RIMKLB: variants seen among roughly 807,000 people sequenced by gnomAD.
RIMKLB encodes beta-citrylglutamate synthase B.
A neutral mutation model predicts 32.0 loss-of-function variants in RIMKLB; 7 were observed. The observed-to-expected ratio is 0.22, with a 90% confidence interval of 0.12 to 0.41. The LOEUF is 0.41. Ranked by LOEUF, RIMKLB falls within the 10% of genes least tolerant of loss-of-function variation. The pLI is 1.00. For synonymous variants in RIMKLB, 172 were observed against 185.1 expected (o/e 0.93, Z 0.57); for missense variants, 289 against 498.7 (o/e 0.58, Z 4.00).
At chr12:8,765,849 C>A (rs1949914181) in intron 5 of RIMKLB, among the ~76,000 whole-genome samples, 1 of 152,036 alleles carries the variant, frequency 6.6e-6, no homozygotes, top group East Asian at 1.9e-4. Flanking sequence ...TGACTTGTTT[C>A]TTAATGAAAA....
intron 1 of RIMKLB, among the ~76,000 whole-genome samples, chr12:8,707,405 C>G (rs112043691): frequency 2.6e-5 from 4 of 152,300 alleles, no homozygotes; most frequent in Admixed American, 2.0e-4. Context: ...GAAAAGGTGC[C>G]TAGGGCAAAG....
At chr12:8,717,703 T>G (rs926137167) in intron 2 of RIMKLB, among the ~76,000 whole-genome samples, 1 of 152,220 alleles carries the variant, frequency 6.6e-6, no homozygotes, top group African/African-American at 2.4e-5. Flanking sequence ...CAAAGTTGCC[T>G]GAACTATTAC....
chr12:8,727,132 T>G (rs1359616295), intron 2 of RIMKLB, among the ~76,000 whole-genome samples: 1 of 152,244 alleles, frequency 6.6e-6, no homozygotes, highest in East Asian at 1.9e-4. Flanking sequence ...GTGTTATATG[T>G]AACTGTATGT....
At chr12:8,678,048 C>T (rs1591584615), upstream of RIMKLB, among the ~76,000 whole-genome samples, 1 of 151,802 alleles carries the variant, frequency 6.6e-6, no homozygotes, top group African/African-American at 2.4e-5. Context: ...TCCCAAAGTG[C>T]TGGGATTACA....
At chr12:8,759,923 G>A (rs761555124) in intron 5 of RIMKLB, among the ~76,000 whole-genome samples, 1 of 152,294 alleles carries the variant, frequency 6.6e-6, no homozygotes, top group East Asian at 1.9e-4. Flanking sequence ...ATTTTATCCT[G>A]TGCCATCTTG....
intron 1 of RIMKLB, among the ~76,000 whole-genome samples, chr12:8,682,475 G>T (rs1331173275): frequency 2.6e-5 from 4 of 152,100 alleles, no homozygotes; most frequent in South Asian, 2.1e-4. Flanking sequence ...AAGGAGTCAA[G>T]AATTTACTGG....
At chr12:8,743,571 T>A (rs1947787760) in intron 2 of RIMKLB, among the ~76,000 whole-genome samples, 1 of 151,476 alleles carries the variant, frequency 6.6e-6, no homozygotes, top group African/African-American at 2.4e-5. Context: ...AACTCTGCTT[T>A]CAAAAAAACA....
chr12:8,772,376 G>A (rs1950482309), intron 5 of RIMKLB, among the ~76,000 whole-genome samples: 1 of 152,130 alleles, frequency 6.6e-6, no homozygotes, highest in African/African-American at 2.4e-5. Context: ...TCCTTAAAGA[G>A]CTCTTATTTC....
chr12:8,701,850 C>T (rs745705714), intron 1 of RIMKLB, among the ~76,000 whole-genome samples: 121 of 151,748 alleles, frequency 8.0e-4, no homozygotes, highest in African/African-American at 2.7e-3. Context: ...ACTAAAAATA[C>T]AAAAATTAGC....
Position 8,776,535 on chromosome 12 carries a change from ATTG to A in RIMKLB, c.*2754_*2756del, listed in dbSNP as rs1950736735. On this transcript the variant is annotated 3_prime_UTR_variant, in exon 6 of 6. Transcript: ENST00000535829. ...AATCTGAATTGTAAAATTTTTGTAT[ATTG>A]TTAAAATTGTAATTCTAAATTGTAT... 4 of 761,388 alleles carry A rather than the reference ATTG, an allele frequency of 5.3e-6. No homozygotes were observed. Among genetic ancestry groups the A allele is most frequent in the Non-Finnish European group, 6.4e-6 (4 of 626,126 alleles). 47.2% of individuals were successfully genotyped at this position (761,388 alleles called of 1,614,324 possible).
intron 2 of RIMKLB, among the ~76,000 whole-genome samples, chr12:8,736,948 A>T (rs1947062877): frequency 6.6e-6 from 1 of 152,004 alleles, no homozygotes; most frequent in Admixed American, 6.6e-5. Context: ...AGTAGCTGGG[A>T]TTACAGGCAT....
At chr12:8,739,570 A>C (rs1409883999) in intron 2 of RIMKLB, among the ~76,000 whole-genome samples, 1 of 152,168 alleles carries the variant, frequency 6.6e-6, no homozygotes, top group African/African-American at 2.4e-5. Context: ...TCATAGGTGC[A>C]AGCTATCCTA....
At chr12:8,728,848 G>C (rs759562796) in intron 2 of RIMKLB, among the ~76,000 whole-genome samples, 50 of 151,856 alleles carry the variant, frequency 3.3e-4, no homozygotes, top group Non-Finnish European at 7.4e-5. Flanking sequence ...TTTTGCCCAG[G>C]CTGGTCTTGA....
chr12:8,720,738 C>A (rs781707441), intron 2 of RIMKLB, among the ~76,000 whole-genome samples: 2 of 152,308 alleles, frequency 1.3e-5, no homozygotes, highest in African/African-American at 4.8e-5. Flanking sequence ...TGGGGTTTCA[C>A]CTTGTTGGCC....
intron 1 of RIMKLB, among the ~76,000 whole-genome samples, chr12:8,686,646 A>AT (rs140536302): frequency 7.3e-4 from 109 of 150,112 alleles, no homozygotes; most frequent in East Asian, 1.8e-3. Flanking sequence ...CGCCCGGCTA[A>AT]TTTTTTTTTG....
intron 2 of RIMKLB, among the ~76,000 whole-genome samples, chr12:8,726,388 G>T (rs1459522348): frequency 1.3e-5 from 2 of 152,088 alleles, no homozygotes; most frequent in Admixed American, 6.5e-5. Flanking sequence ...TTTTAGCTGG[G>T]TGGTTTATTT....
In RIMKLB at chr12:8,713,724, TATA is replaced by T. The variant is rs1944566594; in HGVS notation, c.-56-84_-56-82del. 4 of 816,100 alleles carry T rather than the reference TATA, an allele frequency of 4.9e-6. No homozygotes were observed. The Admixed American group carries it at 9.2e-5, about 19-fold the overall frequency. The allele number at this position is 816,100 out of a possible 1,614,324, so 50.6% of individuals were successfully genotyped here. A position where few individuals can be genotyped will look rare whatever the true frequency, so the allele number is the denominator to read the frequency against. ...TTTTTTCCTGTTTATATAATTAGTA[TATA>T]ATCACGGCATTTATTTGTATGAAAT... On this transcript the variant is annotated intron_variant, in intron 1 of 5. Coordinates refer to ENST00000535829, the MANE Select transcript of RIMKLB (RefSeq NM_001297776.2).
chr12:8,702,240 T>C (rs2136716455), intron 1 of RIMKLB, among the ~76,000 whole-genome samples: 1 of 152,334 alleles, frequency 6.6e-6, no homozygotes. Context: ...AGACTAATTT[T>C]GGTAATCTCT....
At chr12:8,725,341 G>A (rs746715871) in intron 2 of RIMKLB, among the ~76,000 whole-genome samples, 23 of 152,030 alleles carry the variant, frequency 1.5e-4, no homozygotes, top group Admixed American at 1.4e-3. Context: ...GCAGTGGTGC[G>A]ATCTTGGCTC....
Sources: allele counts gnomAD v4.1 joint callset (sites outside exome capture counted in the v4.1 genomes callset), GRCh38; gene constraint gnomAD v4.1.1; transcripts MANE v1.5; gene names NCBI Gene and HGNC (gene_info 2026-07-23, HGNC 2026-07-21).